F11R: variants seen among roughly 807,000 people sequenced by gnomAD.
The protein encoded by F11R is junctional adhesion molecule A.
In F11R, 27 loss-of-function variants were observed where a neutral mutation model predicts 39.3. The ratio of observed to expected loss-of-function variants is 0.69; its 90% CI spans 0.51 to 0.95. F11R has a LOEUF of 0.95. F11R is among the 40% of genes least tolerant of loss of function. The pLI is 0.00. For missense variants in F11R, 335 were observed against 372.7 expected (o/e 0.90, Z 0.83); for synonymous variants, 131 against 144.9 (o/e 0.90, Z 0.69).
intron 1 of F11R, among the ~76,000 whole-genome samples, chr1:161,014,759 G>C (rs568596004): frequency 6.6e-6 from 1 of 152,060 alleles, no homozygotes; most frequent in East Asian, 1.9e-4. Context: ...GGCCAACATG[G>C]TGAAACCCTA....
Position 161,001,007 on chromosome 1 carries a change from A to T in F11R, c.241+13T>A, listed in dbSNP as rs372890207. The T allele has an allele frequency of 3.8e-5, 61 of 1,606,460 alleles. No individual in the cohort carries two copies. The highest frequency in any genetic ancestry group is 5.0e-5 in the Non-Finnish European group (59 of 1,173,208). ...ACAACCTAGGCAATCAGGAAGGAGG[A>T]GAAGCAACTCACCTGTGATCTTGTT... On this transcript the variant is annotated intron_variant, in intron 3 of 9. Transcript: ENST00000368026.
At position 161,000,304 on chromosome 1, in the gene F11R, T is replaced by C. The variant is rs182454665; in HGVS notation, c.433A>G (p.Ile145Val). 1.2e-6 allele frequency: 2 copies of C among 1,614,012 alleles called. No homozygotes were observed. Among genetic ancestry groups the C allele is most frequent in the South Asian group, 2.2e-5 (2 of 91,088 alleles). Residue 145 changes from isoleucine (I) to valine (V), a missense_variant, in exon 5 of 10, where the codon ATT becomes GTT. By Grantham distance (29) the Ile-to-Val change is conservative. Transcript: ENST00000368026. ...PTVNIPSSAT[I>V]GNRAVLTCSE... ...CATGTCAGCACTGCCCGGTTCCCAATGGTGGCAGAGGAGGGGATGTTAACT... is the reference window on the plus strand; with the variant it reads ...CATGTCAGCACTGCCCGGTTCCCAACGGTGGCAGAGGAGGGGATGTTAACT...
At chr1:161,010,760 C>T (rs983964018) in intron 1 of F11R, among the ~76,000 whole-genome samples, 1 of 151,588 alleles carries the variant, frequency 6.6e-6, no homozygotes, top group Non-Finnish European at 1.5e-5. Flanking sequence ...CTGAGGCGGA[C>T]GGATCACTTG....
rs746675956 is a variant in F11R at position 161,001,359 on chromosome 1, GAGAA to G, written c.65-10_65-7del. ...ACTGCCCAATGCCAGGGAGCCTAAG[GAGAA>G]AGAAAGAGGTGGGCCCTGTCAGGAG... On this transcript the variant is annotated splice_polypyrimidine_tract_variant and splice_region_variant and intron_variant, in intron 1 of 9. Coordinates refer to ENST00000368026, the MANE Select transcript of F11R (RefSeq NM_016946.6). 23 of 1,612,908 alleles carry G rather than the reference GAGAA, an allele frequency of 1.4e-5. No individual in the cohort carries two copies. Among genetic ancestry groups the G allele is most frequent in the Non-Finnish European group, 1.9e-5 (22 of 1,178,980 alleles).
rs1207843042 is a variant in F11R, at chr1:161,021,136, A to C, written c.-63T>G. The C allele has an allele frequency of 1.0e-5, 15 of 1,492,296 alleles. No individual in the cohort carries two copies. In the African/African-American group the frequency reaches 2.1e-4, roughly 21 times the overall value. The allele number at this position is 1,492,296 out of a possible 1,614,324, so 92.4% of individuals were successfully genotyped here. On this transcript the variant is annotated 5_prime_UTR_variant, in exon 1 of 10. Coordinates refer to ENST00000368026, the MANE Select transcript of F11R (RefSeq NM_016946.6). ...TCCTGGGAACAGACACAGCTCCGCG[A>C]CTACAGCGAGGGGACTGAGAGCCAG...
chr1:161,001,003 G>A lies in F11R; in HGVS notation c.241+17C>T, dbSNP rs1445987318. ...CTCCACAACCTAGGCAATCAGGAAG[G>A]AGGAGAAGCAACTCACCTGTGATCT... On this transcript the variant is annotated intron_variant, in intron 3 of 9. Transcript: ENST00000368026. 6.2e-7 allele frequency: 1 copy of A among 1,602,118 alleles called. No individual in the cohort carries two copies. Among genetic ancestry groups the A allele is most frequent in the African/African-American group, 1.3e-5 (1 of 74,626 alleles).
At chr1:161,011,359 G>GA (rs1318691420) in intron 1 of F11R, among the ~76,000 whole-genome samples, 1 of 151,628 alleles carries the variant, frequency 6.6e-6, no homozygotes, top group Non-Finnish European at 1.5e-5. Context: ...GTATAACAAA[G>GA]AAAAAAAAGA....
intron 1 of F11R, among the ~76,000 whole-genome samples, chr1:161,003,015 G>A (rs1271928243): frequency 5.1e-4 from 76 of 149,820 alleles, no homozygotes; most frequent in Admixed American, 2.7e-3. Context: ...GTGCAATGGC[G>A]CTATCTCAGC....
chr1:161,018,579 C>T (rs577810736), intron 1 of F11R, among the ~76,000 whole-genome samples: 9 of 152,268 alleles, frequency 5.9e-5, no homozygotes, highest in South Asian at 2.1e-4. Context: ...GCTGGTTGAT[C>T]CTCCTGACAA....
intron 3 of F11R, 96 bp downstream of exon 3, chr1:161,000,924 T>G: frequency 1.4e-6 from 2 of 1,447,816 alleles, no homozygotes; most frequent in Non-Finnish European, 1.9e-6. Context: ...CCCCAGGGTG[T>G]GCCCTGGGAT....
intron 1 of F11R, among the ~76,000 whole-genome samples, chr1:161,011,005 C>A (rs1241560790): frequency 3.5e-5 from 5 of 141,166 alleles, no homozygotes; most frequent in African/African-American, 1.0e-4. Flanking sequence ...AATTCATGTA[C>A]AAGAACAATT....
At chr1:160,999,233 G>T in intron 8 of F11R, 142 bp from the exon 9 acceptor site, 1 of 1,409,556 alleles carries the variant, frequency 7.1e-7, no homozygotes, top group South Asian at 1.2e-5. Context: ...TAACAGGACA[G>T]ACCCAGGGCC....
chr1:161,000,966 G>A (rs1648445270), intron 3 of F11R, 54 bp downstream of exon 3: 2 of 1,530,560 alleles, frequency 1.3e-6, no homozygotes, highest in Admixed American at 3.3e-5. Context: ...TAGAATCCAG[G>A]CATGATAATC....
chr1:161,016,183 C>T (rs1321424918), intron 1 of F11R, among the ~76,000 whole-genome samples: 2 of 151,858 alleles, frequency 1.3e-5, no homozygotes, highest in Non-Finnish European at 2.9e-5. Flanking sequence ...ACTAAAAATA[C>T]AAAAAATTAG....
chr1:161,010,757 G>A (rs1234009997), intron 1 of F11R, among the ~76,000 whole-genome samples: 3 of 151,818 alleles, frequency 2.0e-5, no homozygotes, highest in African/African-American at 4.8e-5. Context: ...AGGCTGAGGC[G>A]GACGGATCAC....
Position 160,997,176 on chromosome 1 carries a change from C to T in F11R, c.*1695G>A, listed in dbSNP as rs2101963354. The T allele has an allele frequency of 6.6e-6, 1 of 152,438 alleles. No individual in the cohort carries two copies. The highest frequency in any genetic ancestry group is 3.4e-3 in the Middle Eastern group (1 of 294). The allele number at this position is 152,438 out of a possible 1,614,324, so 9.4% of individuals were successfully genotyped here. A position where few individuals can be genotyped will look rare whatever the true frequency, so the allele number is the denominator to read the frequency against. ...AAGCAATGACAGCCAGGCTGTCCGG[C>T]TCATTCCTGTTCATTCACATGCAGA... On this transcript the variant is annotated 3_prime_UTR_variant, in exon 10 of 10. Coordinates refer to ENST00000368026, the MANE Select transcript of F11R (RefSeq NM_016946.6).
chr1:161,010,453 A>AAAAAAAAAC (rs1649088756), intron 1 of F11R, among the ~76,000 whole-genome samples: 1 of 151,260 alleles, frequency 6.6e-6, no homozygotes, highest in African/African-American at 2.4e-5. Context: ...AAAAAAAAAA[A>AAAAAAAAAC]AAAACAGTTG....
At chr1:161,003,512 T>A (rs1648616158) in intron 1 of F11R, among the ~76,000 whole-genome samples, 1 of 152,008 alleles carries the variant, frequency 6.6e-6, no homozygotes. Flanking sequence ...ATCTGCCCGC[T>A]GCAGCCGCCC....
Position 160,999,648 on chromosome 1 carries a change from TG to T in F11R, c.793del (p.His265ThrfsTer14). Reference protein sequence around the residue: ...FGIWFAYSRGHFDRTKKGTSS... With the variant: ...FGIWFAYSRGXFDRTKKGTSS... ...TGGGGGCAGATACTTACTGTCAAAG[TG>T]GCCTCGGCTATAGGCAAACCAGATG... On this transcript the variant is annotated frameshift_variant, in exon 7 of 10. Coordinates refer to ENST00000368026, the MANE Select transcript of F11R (RefSeq NM_016946.6). LOFTEE classifies it high-confidence loss of function. 1 of 1,613,982 alleles carries T rather than the reference TG, an allele frequency of 6.2e-7. No homozygotes were observed. The highest frequency in any genetic ancestry group is 8.5e-7 in the Non-Finnish European group (1 of 1,179,906).
Sources: gnomAD v4.1 joint callset for allele counts (sites outside exome capture counted in the v4.1 genomes callset) on GRCh38, gnomAD v4.1.1 for gene constraint, MANE v1.5 for transcripts, NCBI Gene and HGNC (gene_info 2026-07-23, HGNC 2026-07-21) for gene names.